The following TXNRD2 variants were observed in gnomAD, a reference collection of about 807,000 sequenced individuals.
TXNRD2 encodes thioredoxin reductase 2, mitochondrial.
Under a neutral mutation model 70.8 loss-of-function variants are expected in TXNRD2, and 67 were observed. That is an observed-to-expected ratio of 0.95 (90% CI 0.78 to 1.16). The LOEUF (loss-of-function observed/expected upper bound fraction) is 1.16. Among genes scored for constraint, TXNRD2 ranks in the 50% most tolerant of loss-of-function variants. The pLI is 0.00. For missense variants in TXNRD2, 644 were observed against 719.9 expected (o/e 0.89, Z 1.21); for synonymous variants, 301 against 295.8 (o/e 1.02, Z -0.18).
intron 14 of TXNRD2, 75 bp from the exon 15 acceptor site, chr22:19,878,512 G>C: frequency 7.5e-7 from 1 of 1,336,218 alleles, no homozygotes; most frequent in Non-Finnish European, 1.1e-6. Context: ...CCCACAGGCT[G>C]CATGGGCAAG....
At chr22:19,882,537 C>T (rs75996154) in intron 12 of TXNRD2, among the ~76,000 whole-genome samples, 2,015 of 152,286 alleles carry the variant, frequency 0.013, 34 homozygotes, top group African/African-American at 0.047. Flanking sequence ...GCCCCCCAAA[C>T]GTGAGATAAT....
intron 8 of TXNRD2, chr22:19,902,862 T>C: frequency 2.1e-6 from 1 of 480,876 alleles, no homozygotes; most frequent in Non-Finnish European, 4.1e-6. Flanking sequence ...CAAATGGCTG[T>C]GGTTCTTCCC....
intron 11 of TXNRD2, among the ~76,000 whole-genome samples, chr22:19,889,975 A>G (rs916053084): frequency 3.3e-5 from 5 of 152,062 alleles, no homozygotes; most frequent in African/African-American, 4.8e-5. Context: ...TGGTAACAAG[A>G]CCCAGTTGGA....
chr22:19,936,560 C>A (rs35141198), intron 1 of TXNRD2, among the ~76,000 whole-genome samples: 1 of 152,164 alleles, frequency 6.6e-6, no homozygotes, highest in Non-Finnish European at 1.5e-5. Flanking sequence ...GGCCCTCCCC[C>A]ATCCACCACA....
intron 1 of TXNRD2, among the ~76,000 whole-genome samples, chr22:19,933,734 G>A (rs1218751321): frequency 6.6e-6 from 1 of 152,184 alleles, no homozygotes; most frequent in Non-Finnish European, 1.5e-5. Context: ...CTCAAAGGTG[G>A]GTAGGGCAGA....
chr22:19,939,539 C>T (rs1050010394), intron 1 of TXNRD2, among the ~76,000 whole-genome samples: 8 of 152,184 alleles, frequency 5.3e-5, no homozygotes, highest in African/African-American at 1.7e-4. Context: ...TCCACTTATT[C>T]GACCTCTCAC....
intron 5 of TXNRD2, chr22:19,916,136 C>T (rs770673609): frequency 5.0e-6 from 2 of 401,844 alleles, no homozygotes; most frequent in Non-Finnish European, 9.5e-6. Context: ...TGGTGTGCAG[C>T]AAGAGGTGGC....
At chr22:19,909,861 A>ACCCACACACCACTCACACACACAAC in intron 8 of TXNRD2, among the ~76,000 whole-genome samples, 1 of 83,252 alleles carries the variant, frequency 1.2e-5, no homozygotes, top group Non-Finnish European at 2.3e-5. Context: ...CACACACACC[A>ACCCACACACCACTCACACACACAAC]CACACACACC....
chr22:19,929,188 G>A (rs1310940978), intron 2 of TXNRD2, among the ~76,000 whole-genome samples: 4 of 151,946 alleles, frequency 2.6e-5, no homozygotes, highest in South Asian at 2.1e-4. Context: ...TTAGCCGGGC[G>A]TGGTGGTGGG....
At chr22:19,881,572 C>T (rs1038015876) in intron 12 of TXNRD2, among the ~76,000 whole-genome samples, 1 of 152,212 alleles carries the variant, frequency 6.6e-6, no homozygotes, top group East Asian at 1.9e-4. Flanking sequence ...CCTTTGTGTG[C>T]GCCATGCATT....
At chr22:19,907,050 A>G (rs1221509062) in intron 8 of TXNRD2, among the ~76,000 whole-genome samples, 153 of 66,094 alleles carry the variant, frequency 2.3e-3, no homozygotes, top group South Asian at 3.7e-3. Context: ...CTCTCAGGAG[A>G]GTGTGGGCGC....
rs1174740360 is a variant in TXNRD2, at chr22:19,919,393, T to A, written c.229+150A>T. 3 of 755,514 alleles carry A rather than the reference T, an allele frequency of 4.0e-6. No homozygotes were observed. The Admixed American group carries it at 6.4e-5, about 16-fold the overall frequency. The allele number at this position is 755,514 out of a possible 1,614,324, so 46.8% of individuals were successfully genotyped here. Reference sequence around the variant, plus strand: ...TGTTTTCGATAATGGTCAAGAACTTTAAAGTAATGATGAGTGAAACAGGAC... The same window carrying A: ...TGTTTTCGATAATGGTCAAGAACTTAAAAGTAATGATGAGTGAAACAGGAC... On this transcript the variant is annotated intron_variant, in intron 3 of 17. Coordinates refer to ENST00000400521, the MANE Select transcript of TXNRD2 (RefSeq NM_006440.5).
intron 1 of TXNRD2, chr22:19,933,586 GC>G: frequency 8.9e-7 from 1 of 1,121,496 alleles, no homozygotes; most frequent in African/African-American, 1.6e-5. Context: ...CAGCTTGCTC[GC>G]CCCCTGTGCA....
chr22:19,876,566 C>T (rs67937222), intron 17 of TXNRD2: 7,488 of 152,572 alleles, frequency 0.049, 193 homozygotes, highest in Non-Finnish European at 0.063. Flanking sequence ...CTGGGCAGGG[C>T]CGGCCATCAC....
chr22:19,922,949 A>G (rs1194819061), intron 2 of TXNRD2, among the ~76,000 whole-genome samples: 2 of 152,124 alleles, frequency 1.3e-5, no homozygotes, highest in Non-Finnish European at 2.9e-5. Flanking sequence ...GGCCTCCCAA[A>G]GTGCTGGGAT....
intron 2 of TXNRD2, among the ~76,000 whole-genome samples, chr22:19,926,833 A>G (rs1941163586): frequency 6.6e-6 from 1 of 152,194 alleles, no homozygotes; most frequent in Non-Finnish European, 1.5e-5. Context: ...GAACAGACAC[A>G]TCCACGGATA....
At chr22:19,912,643 G>C (rs1271796662) in intron 7 of TXNRD2, among the ~76,000 whole-genome samples, 1 of 152,126 alleles carries the variant, frequency 6.6e-6, no homozygotes, top group African/African-American at 2.4e-5. Flanking sequence ...GGATCACTGG[G>C]ACCCTGTCTG....
In TXNRD2 at chr22:19,898,068, G is replaced by A. The variant is rs557142042; in HGVS notation, c.745C>T (p.Arg249Cys). 1.8e-4 allele frequency: 285 copies of A among 1,563,118 alleles called. 1 individual carries two copies. The highest frequency in any genetic ancestry group is 2.3e-4 in the Non-Finnish European group (271 of 1,154,270). ...GIGLDTTIMM[R>C]SIPLRGFDQQ... is the part of the protein sequence containing the mutation. ...TCGAAGCCGCGGAGGGGGATGCTGCGCATCATGATGGTGGTGTCCAGCCCA... is the reference window on the plus strand; with the variant it reads ...TCGAAGCCGCGGAGGGGGATGCTGCACATCATGATGGTGGTGTCCAGCCCA... The change falls in exon 10 of 18, where the codon CGC becomes TGC. Residue 249 changes from arginine to cysteine, a missense_variant. Transcript: ENST00000400521.
Position 19,918,911 on chromosome 22 carries a change from T to C in TXNRD2, c.323A>G (p.Gln108Arg), listed in dbSNP as rs1940761419. The C allele has an allele frequency of 6.2e-7, 1 of 1,612,926 alleles. No individual in the cohort carries two copies. Among genetic ancestry groups the C allele is most frequent in the Non-Finnish European group, 8.5e-7 (1 of 1,180,006 alleles). Residue 108 changes from glutamine (Q) to arginine (R), a missense_variant, in exon 4 of 18, where the codon CAA becomes CGA. By Grantham distance (43) the Gln-to-Arg change is conservative (BLOSUM62 1). Around this residue, in one of 3 missense-constraint regions of TXNRD2, gnomAD observed 566 missense variants for 645.0 expected, o/e 0.88. Transcript: ENST00000400521. ...HQAALLGGLIQDAPNYGWEVA... is the reference protein window; with the variant it reads ...HQAALLGGLIRDAPNYGWEVA... ...CTCCCAGCCATAGTTGGGGGCATCT[T>C]GGATCAGGCCTCCCAGCAGTGCCGC...
Sources: allele counts gnomAD v4.1 joint callset (sites outside exome capture counted in the v4.1 genomes callset), GRCh38; gene constraint gnomAD v4.1.1; regional missense constraint gnomAD v4.1.1; transcripts MANE v1.5; gene names NCBI Gene and HGNC (gene_info 2026-07-23, HGNC 2026-07-21).